Variants in SGCZ observed in about 807,000 individuals in gnomAD.
SGCZ encodes zeta-sarcoglycan.
In SGCZ, 40 loss-of-function variants were observed where a neutral mutation model predicts 41.3. The ratio of observed to expected loss-of-function variants is 0.97; its 90% CI spans 0.75 to 1.26. The LOEUF (loss-of-function observed/expected upper bound fraction) is 1.26, where lower values mean the gene tolerates loss of function less well. Ranked by LOEUF, SGCZ falls within the 50% of genes most tolerant of loss-of-function variation. SGCZ has a pLI of 0.00. For missense variants in SGCZ, 552 were observed against 369.8 expected (o/e 1.49, Z -4.04); for synonymous variants, 206 against 137.5 (o/e 1.50, Z -3.49).
At chr8:14,383,060 C>T (rs1212302766) in intron 2 of SGCZ, among the ~76,000 whole-genome samples, 1 of 152,086 alleles carries the variant, frequency 6.6e-6, no homozygotes. Flanking sequence ...ATGTTTTGTT[C>T]CCAAAATTGT....
At position 14,161,610 on chromosome 8, in the gene SGCZ, T is replaced by C. The variant is rs144846248; in HGVS notation, c.547+2970A>G. 5.9e-5 allele frequency among the ~76,000 whole-genome samples: 9 copies of C among 152,356 alleles called. No homozygotes were observed. In the East Asian group the frequency reaches 1.3e-3, roughly 23 times the overall value. ...CAATCTCATAGTTTGTGGGTGTTTCTTTCATTCTAAGTATTATGTTCCAAC... is the reference window on the plus strand; with the variant it reads ...CAATCTCATAGTTTGTGGGTGTTTCCTTCATTCTAAGTATTATGTTCCAAC... On this transcript the variant is annotated intron_variant, in intron 5 of 7. Transcript: ENST00000382080.
At chr8:14,801,638 G>T (rs962471204) in intron 1 of SGCZ, among the ~76,000 whole-genome samples, 2 of 152,098 alleles carry the variant, frequency 1.3e-5, no homozygotes, top group South Asian at 2.1e-4. Context: ...ATAAATGTGA[G>T]GAAATTATTA....
At chr8:14,655,684 G>C (rs1192518521) in intron 1 of SGCZ, among the ~76,000 whole-genome samples, 1 of 151,978 alleles carries the variant, frequency 6.6e-6, no homozygotes, top group African/African-American at 2.4e-5. Flanking sequence ...AAACAACCAA[G>C]ATACTGACAG....
chr8:14,791,397 G>C (rs1208103249), intron 1 of SGCZ, among the ~76,000 whole-genome samples: 2 of 151,834 alleles, frequency 1.3e-5, no homozygotes, highest in African/African-American at 4.8e-5. Flanking sequence ...GTTATCCTGA[G>C]AAGCAAGTGG....
chr8:14,920,758 C>G (rs762161915), intron 1 of SGCZ, among the ~76,000 whole-genome samples: 2 of 152,144 alleles, frequency 1.3e-5, no homozygotes, highest in Non-Finnish European at 2.9e-5. Context: ...CATTAGGATA[C>G]TTAATTTATA....
chr8:15,214,983 T>C (rs1224527332), intron 1 of SGCZ, among the ~76,000 whole-genome samples: 1 of 152,198 alleles, frequency 6.6e-6, no homozygotes, highest in African/African-American at 2.4e-5. Flanking sequence ...TTAAGGTTGA[T>C]ATTCTTCCCA....
At chr8:14,114,771 C>G (rs1802474502) in intron 5 of SGCZ, among the ~76,000 whole-genome samples, 1 of 151,868 alleles carries the variant, frequency 6.6e-6, no homozygotes, top group Non-Finnish European at 1.5e-5. Flanking sequence ...GGAAACGATC[C>G]AGACTTCCAT....
rs138578388 is a variant in SGCZ at position 14,711,641 on chromosome 8, C to T, written c.40-156715G>A. Among the ~76,000 whole-genome samples the T allele has an allele frequency of 4.0e-3, 569 of 143,316 alleles. 5 individuals are homozygous for T. Among genetic ancestry groups the T allele is most frequent in the African/African-American group, 0.013 (506 of 38,994 alleles). 94.0% of individuals were successfully genotyped at this position (143,316 alleles called of 152,430 possible). ...AAAAAGCCTATATGCGTCCCTTGTA[C>T]GGAAAAAAATGCTAGTGGAAAAGGA... On this transcript the variant is annotated intron_variant, in intron 1 of 7. Transcript: ENST00000382080.
intron 1 of SGCZ, among the ~76,000 whole-genome samples, chr8:15,074,757 GC>G (rs1805468543): frequency 6.6e-6 from 1 of 151,812 alleles, no homozygotes; most frequent in South Asian, 2.1e-4. Context: ...TGTTCCTTTT[GC>G]CCTCCTCCTC....
chr8:15,229,464 T>A (rs1801879741), intron 1 of SGCZ, among the ~76,000 whole-genome samples: 1 of 152,130 alleles, frequency 6.6e-6, no homozygotes, highest in Non-Finnish European at 1.5e-5. Flanking sequence ...TAATTTAAAG[T>A]AGAAAAACAC....
At chr8:14,978,979 G>T (rs1013211954) in intron 1 of SGCZ, among the ~76,000 whole-genome samples, 6 of 151,908 alleles carry the variant, frequency 3.9e-5, no homozygotes, top group Admixed American at 1.3e-4. Context: ...TTATATTTTT[G>T]ATACAGACTG....
intron 1 of SGCZ, among the ~76,000 whole-genome samples, chr8:14,857,098 G>C (rs545302424): frequency 6.3e-4 from 96 of 152,208 alleles, no homozygotes; most frequent in African/African-American, 2.1e-3. Context: ...GTTCCCATAA[G>C]ATCTGGTGTT....
intron 3 of SGCZ, among the ~76,000 whole-genome samples, chr8:14,253,105 G>C (rs540508684): frequency 1.3e-5 from 2 of 152,212 alleles, no homozygotes; most frequent in Admixed American, 6.5e-5. Flanking sequence ...TAAGGGTTGA[G>C]AAGAAGTAAA....
At chr8:14,626,908 T>C (rs1356314200) in intron 1 of SGCZ, among the ~76,000 whole-genome samples, 2 of 152,166 alleles carry the variant, frequency 1.3e-5, no homozygotes, top group African/African-American at 2.4e-5. Flanking sequence ...CTCATATTTA[T>C]CTGTAGGTTG....
intron 4 of SGCZ, among the ~76,000 whole-genome samples, chr8:14,221,728 G>C (rs560320026): frequency 6.2e-4 from 95 of 152,262 alleles, no homozygotes; most frequent in African/African-American, 2.2e-3. Context: ...CTGAGGTCAG[G>C]AGTTCAAGAT....
chr8:14,798,915 TC>T (rs33941121), intron 1 of SGCZ, among the ~76,000 whole-genome samples: 17,141 of 151,834 alleles, frequency 0.11, 1,356 homozygotes, highest in East Asian at 0.23. Context: ...TAATAAAAAA[TC>T]TTTTTACTAG....
intron 1 of SGCZ, among the ~76,000 whole-genome samples, chr8:14,599,193 A>G (rs1176737902): frequency 1.3e-5 from 2 of 152,160 alleles, no homozygotes; most frequent in African/African-American, 4.8e-5. Flanking sequence ...TACTACTCAG[A>G]AAATTTTCTA....
chr8:15,062,848 A>C (rs550985414), intron 1 of SGCZ, among the ~76,000 whole-genome samples: 4 of 152,264 alleles, frequency 2.6e-5, no homozygotes, highest in African/African-American at 9.6e-5. Context: ...CTTTTAGTAA[A>C]GATATAGAAC....
intron 2 of SGCZ, among the ~76,000 whole-genome samples, chr8:14,435,571 T>A (rs1800067027): frequency 6.6e-6 from 1 of 152,230 alleles, no homozygotes; most frequent in Non-Finnish European, 1.5e-5. Flanking sequence ...TGAGCCACGA[T>A]AGTAAGTCAG....
Sources: allele counts gnomAD v4.1 joint callset (sites outside exome capture counted in the v4.1 genomes callset), GRCh38; gene constraint gnomAD v4.1.1; transcripts MANE v1.5; gene names NCBI Gene and HGNC (gene_info 2026-07-23, HGNC 2026-07-21).